ZRANB3: variants seen among roughly 807,000 people sequenced by gnomAD.
ZRANB3 encodes the protein zinc finger RANBP2-type containing 3.
In ZRANB3, 125 loss-of-function variants were observed where a neutral mutation model predicts 133.8. That is an observed-to-expected ratio of 0.93 (90% confidence interval 0.81 to 1.08). The LOEUF (loss-of-function observed/expected upper bound fraction) is 1.08. Among genes scored for constraint, ZRANB3 ranks in the 50% least tolerant of loss-of-function variants. The pLI, the probability that ZRANB3 is intolerant of heterozygous loss-of-function variation, is 0.00. For missense variants in ZRANB3, 1,229 were observed against 1,275.5 expected, an observed-to-expected ratio of 0.96 and a Z score of 0.56; for synonymous variants, 387 against 432.7, an observed-to-expected ratio of 0.89 and a Z score of 1.31.
intron 3 of ZRANB3, among the ~76,000 whole-genome samples, chr2:135,373,904 A>G (rs1321519907): frequency 6.6e-6 from 1 of 151,578 alleles, no homozygotes; most frequent in Non-Finnish European, 1.5e-5. Context: ...TGGGTATATG[A>G]GACATATTCT....
At position 135,217,575 on chromosome 2, in the gene ZRANB3, TA is replaced by T; in HGVS notation, c.2384del (p.Leu795GlnfsTer4). 6.2e-7 allele frequency: 1 copy of T among 1,613,532 alleles called. No individual in the cohort carries two copies. The highest frequency in any genetic ancestry group is 8.5e-7 in the Non-Finnish European group (1 of 1,179,786). On this transcript the variant is annotated frameshift_variant, in exon 17 of 21. Coordinates refer to ENST00000264159, the MANE Select transcript of ZRANB3 (RefSeq NM_032143.4). LOFTEE classifies it high-confidence loss of function. ...TGATTATCCTTTGCTTCATGGCAGT[TA>T]GACTACTCCATTCTCGAACAAATCT... ...ILRFVREWSSLTAMKQRIIRK... is the reference protein window; with the variant it reads ...ILRFVREWSSXTAMKQRIIRK...
intron 2 of ZRANB3, among the ~76,000 whole-genome samples, chr2:135,435,542 G>C (rs1007438258): frequency 2.2e-4 from 34 of 152,154 alleles, no homozygotes; most frequent in Non-Finnish European, 5.9e-5. Flanking sequence ...TGATAGTTCT[G>C]CTTTTAGCTC....
chr2:135,284,096 A>G (rs748190400), intron 8 of ZRANB3, among the ~76,000 whole-genome samples: 2 of 152,266 alleles, frequency 1.3e-5, no homozygotes, highest in East Asian at 3.8e-4. Flanking sequence ...TGGACTGTGG[A>G]GCCAGACAGT....
At chr2:135,333,727 A>G (rs1242545050) in intron 6 of ZRANB3, among the ~76,000 whole-genome samples, 2 of 152,224 alleles carry the variant, frequency 1.3e-5, no homozygotes, top group South Asian at 4.1e-4. Flanking sequence ...ATGGTTGCAC[A>G]ACAACAGAAT....
At chr2:135,311,669 G>T (rs1682983657) in intron 8 of ZRANB3, among the ~76,000 whole-genome samples, 1 of 152,038 alleles carries the variant, frequency 6.6e-6, no homozygotes. Context: ...AGGATCCCTA[G>T]AGCCCAGGTG....
intron 12 of ZRANB3, among the ~76,000 whole-genome samples, chr2:135,258,130 G>A (rs564209108): frequency 1.1e-3 from 173 of 152,116 alleles, no homozygotes; most frequent in Admixed American, 2.5e-3. Context: ...CTTTATTTAA[G>A]TAAGTTTTTT....
intron 2 of ZRANB3, among the ~76,000 whole-genome samples, chr2:135,443,735 A>C (rs1329891821): frequency 6.6e-6 from 1 of 152,160 alleles, no homozygotes; most frequent in Non-Finnish European, 1.5e-5. Flanking sequence ...AAAAAGTATC[A>C]AGGTCATGAA....
intron 8 of ZRANB3, among the ~76,000 whole-genome samples, chr2:135,306,454 A>AT (rs571813342): frequency 0.013 from 1,904 of 141,454 alleles, 24 homozygotes; most frequent in Non-Finnish European, 0.015. Flanking sequence ...CGCCCGGCTA[A>AT]TTTTTTTTTT....
chr2:135,271,653 T>C (rs1402242794), intron 10 of ZRANB3, 115 bp downstream of exon 10: 1 of 1,210,892 alleles, frequency 8.3e-7, no homozygotes, highest in East Asian at 2.6e-5. Context: ...TACTATTTAT[T>C]ATACAAGGCA....
chr2:135,447,054 A>AT (rs2105000343), intron 2 of ZRANB3, among the ~76,000 whole-genome samples: 1 of 149,532 alleles, frequency 6.7e-6, no homozygotes, highest in East Asian at 2.0e-4. Flanking sequence ...TATTTTATTT[A>AT]TTTTTTGAGA....
intron 2 of ZRANB3, among the ~76,000 whole-genome samples, chr2:135,411,338 C>A (rs886298164): frequency 7.2e-5 from 11 of 151,936 alleles, no homozygotes; most frequent in African/African-American, 2.7e-4. Context: ...TTAGTTCAAC[C>A]CCGATGGAAA....
intron 2 of ZRANB3, among the ~76,000 whole-genome samples, chr2:135,482,132 G>GT (rs1691848257): frequency 1.4e-5 from 2 of 139,064 alleles, no homozygotes; most frequent in South Asian, 4.7e-4. Context: ...CTTTAAAGTA[G>GT]TTTTTTCCAA....
At chr2:135,296,392 C>T (rs887157202) in intron 8 of ZRANB3, among the ~76,000 whole-genome samples, 5 of 152,202 alleles carry the variant, frequency 3.3e-5, no homozygotes, top group African/African-American at 2.4e-5. Context: ...CTTGTGCCTT[C>T]GTCATGCAGC....
chr2:135,358,835 A>G (rs745960385), intron 3 of ZRANB3, among the ~76,000 whole-genome samples: 2 of 152,054 alleles, frequency 1.3e-5, no homozygotes, highest in Admixed American at 1.3e-4. Flanking sequence ...ATTGTGTACA[A>G]GCAGATACGA....
chr2:135,474,179 G>A (rs1019248452), intron 2 of ZRANB3, among the ~76,000 whole-genome samples: 2 of 152,038 alleles, frequency 1.3e-5, no homozygotes, highest in East Asian at 3.9e-4. Flanking sequence ...AGACAGATCA[G>A]GACCCCATCT....
rs529922112 is a variant in ZRANB3, at chr2:135,296,197, C to T, written c.966+17292G>A. Among the ~76,000 whole-genome samples the T allele has an allele frequency of 2.5e-4, 38 of 152,308 alleles. No individual in the cohort carries two copies. In the South Asian group the frequency reaches 7.5e-3, roughly 30 times the overall value. On this transcript the variant is annotated intron_variant, in intron 8 of 20. Coordinates refer to ENST00000264159, the MANE Select transcript of ZRANB3 (RefSeq NM_032143.4). ...TTTTCCAACTTGGTTCCATTCTCCC[C>T]GTCACTTTCAGGTATACCAATCAGA...
intron 5 of ZRANB3, 78 bp downstream of exon 5, chr2:135,349,906 G>T: frequency 8.0e-7 from 1 of 1,255,686 alleles, no homozygotes; most frequent in Non-Finnish European, 1.1e-6. Context: ...ATTAAAAATT[G>T]CAAAACAGGT....
At chr2:135,217,374 A>G (rs1234380162) in intron 17 of ZRANB3, 91 bp downstream of exon 17, 2 of 1,240,460 alleles carry the variant, frequency 1.6e-6, no homozygotes, top group African/African-American at 1.5e-5. Flanking sequence ...TCAGGATTTC[A>G]TTAGTGGTTC....
chr2:135,287,788 C>G (rs1221297179), intron 8 of ZRANB3, among the ~76,000 whole-genome samples: 1 of 147,590 alleles, frequency 6.8e-6, no homozygotes, highest in Admixed American at 7.0e-5. Flanking sequence ...GATTTTGTAT[C>G]CTGAAACTTT....
Sources: gnomAD v4.1 joint callset for allele counts (sites outside exome capture counted in the v4.1 genomes callset) on GRCh38, gnomAD v4.1.1 for gene constraint, MANE v1.5 for transcripts, NCBI Gene and HGNC (gene_info 2026-07-23, HGNC 2026-07-21) for gene names.